Variants in HRK observed in about 807,000 individuals in gnomAD.
HRK encodes harakiri, BCL2 interacting protein, also known as activator of apoptosis harakiri.
A neutral mutation model predicts 5.9 loss-of-function variants in HRK; 6 were observed. The observed-to-expected ratio is 1.02, with a 90% confidence interval of 0.56 to 2.01. HRK has a LOEUF of 2.01. HRK is among the 30% of genes most tolerant of loss of function. The pLI is 0.00. For synonymous variants in HRK, 85 were observed against 65.1 expected, an observed-to-expected ratio of 1.31 and a Z score of -1.47; for missense variants, 133 against 128.3, an observed-to-expected ratio of 1.04 and a Z score of -0.18.
Position 116,857,840 on chromosome 12 carries a change from G to C in HRK, c.*3683C>G, listed in dbSNP as rs912646868. 1 of 152,088 alleles carries C rather than the reference G, an allele frequency of 6.6e-6. No homozygotes were observed. The highest frequency in any genetic ancestry group is 1.5e-5 in the Non-Finnish European group (1 of 68,034). 9.4% of individuals were successfully genotyped at this position (152,088 alleles called of 1,614,324 possible). A position where few individuals can be genotyped will look rare whatever the true frequency, so the allele number is the denominator to read the frequency against. On this transcript the variant is annotated 3_prime_UTR_variant, in exon 2 of 2. Transcript: ENST00000257572. ...AGGCCAAGGCAGGTGGATCACTTGAGGCCAGGAGTTCAAAACCACTCTGGC... is the reference window on the plus strand; with the variant it reads ...AGGCCAAGGCAGGTGGATCACTTGACGCCAGGAGTTCAAAACCACTCTGGC...
At chr12:116,861,860 AAG>A (rs1192293776) in intron 1 of HRK, among the ~76,000 whole-genome samples, 10 of 152,252 alleles carry the variant, frequency 6.6e-5, no homozygotes, top group Admixed American at 1.3e-4. Context: ...ACCCAGATTC[AAG>A]AGAGAGTTGT....
chr12:116,880,871 G>T, intron 1 of HRK, 105 bp downstream of exon 1: 1 of 385,586 alleles, frequency 2.6e-6, no homozygotes, highest in Non-Finnish European at 4.4e-6. Context: ...AGAAGGAGAA[G>T]GGAAAAGAAG....
At chr12:116,873,124 TTTTTGTTTTGTTTTG>T (rs373165953) in intron 1 of HRK, among the ~76,000 whole-genome samples, 1 of 151,902 alleles carries the variant, frequency 6.6e-6, no homozygotes, top group African/African-American at 2.4e-5. Context: ...CTTTTTCATT[TTTTTGTTTTGTTTTG>T]TTTTGTTTTG....
intron 1 of HRK, among the ~76,000 whole-genome samples, chr12:116,868,992 G>A (rs1312258974): frequency 6.6e-6 from 1 of 151,538 alleles, no homozygotes; most frequent in African/African-American, 2.4e-5. Context: ...TTAAAGACAG[G>A]GTTTTTAAAA....
At chr12:116,876,257 C>T (rs1878923637) in intron 1 of HRK, among the ~76,000 whole-genome samples, 1 of 152,178 alleles carries the variant, frequency 6.6e-6, no homozygotes, top group Admixed American at 6.5e-5. Context: ...CGGGGGGTTC[C>T]TCCCCAACAG....
At chr12:116,880,098 T>C (rs1040284869) in intron 1 of HRK, among the ~76,000 whole-genome samples, 2 of 152,152 alleles carry the variant, frequency 1.3e-5, no homozygotes, top group Non-Finnish European at 2.9e-5. Context: ...TTCCTCCCAC[T>C]GATACCAACC....
intron 1 of HRK, among the ~76,000 whole-genome samples, chr12:116,877,311 C>T (rs954886823): frequency 3.9e-5 from 6 of 151,986 alleles, no homozygotes; most frequent in African/African-American, 1.5e-4. Flanking sequence ...CCACCTTGGC[C>T]TCCCAAAGAA....
chr12:116,871,917 CTT>C (rs1162352715), intron 1 of HRK, among the ~76,000 whole-genome samples: 1 of 140,752 alleles, frequency 7.1e-6, no homozygotes, highest in Non-Finnish European at 1.6e-5. Context: ...TTAATTAGTT[CTT>C]TTTTTTTTTT....
At chr12:116,868,342 C>T (rs531725928) in intron 1 of HRK, among the ~76,000 whole-genome samples, 5 of 152,274 alleles carry the variant, frequency 3.3e-5, no homozygotes, top group African/African-American at 9.6e-5. Context: ...GAAGACCACC[C>T]ATTTTCACCC....
Position 116,878,513 on chromosome 12 carries a change from G to A in HRK, c.*56+2463C>T, listed in dbSNP as rs74399879. ...TTAAATCAAAAGCACAAGAAAGGCC[G>A]GAGCGGCTGGTATTCTGAGGTCAGA... On this transcript the variant is annotated intron_variant, in intron 1 of 1. Coordinates refer to ENST00000257572, the MANE Select transcript of HRK (RefSeq NM_003806.4). The surrounding 1 kb of genome is among the most constrained non-coding windows in gnomAD (Gnocchi z 4.4). 1,586 of 152,418 alleles carry A rather than the reference G, an allele frequency of 0.01. 19 individuals carry two copies. Among genetic ancestry groups the A allele is most frequent in the East Asian group, 0.057 (296 of 5,170 alleles). The allele number at this position is 152,418 out of a possible 1,614,324, so 9.4% of individuals were successfully genotyped here.
At position 116,881,160 on chromosome 12, in the gene HRK, A is replaced by G; in HGVS notation, c.148T>C (p.Trp50Arg). The change falls in exon 1 of 2, where the codon TGG becomes CGG. Residue 50 changes from tryptophan (W) to arginine (R), a missense_variant. Trp to Arg is a moderately radical substitution (Grantham distance 101, BLOSUM62 -3). Coordinates refer to ENST00000257572, the MANE Select transcript of HRK (RefSeq NM_003806.4). ...CTCCGGCTCCGCGCGCGGCGCCGCC[A>G]CATGGTGCGCTGGTGCAGCTCGTCG... ...LGDELHQRTM[W>R]RRRARSRRAP... The G allele has an allele frequency of 8.5e-7, 1 of 1,177,770 alleles. No homozygotes were observed. Among genetic ancestry groups the G allele is most frequent in the Non-Finnish European group, 1.0e-6 (1 of 955,328 alleles). The allele number at this position is 1,177,770 out of a possible 1,614,324, so 73.0% of individuals were successfully genotyped here.
rs1211162501 is a variant in HRK at position 116,857,886 on chromosome 12, T to C, written c.*3637A>G. The C allele has an allele frequency of 2.0e-5, 3 of 152,034 alleles. No homozygotes were observed. The highest frequency in any genetic ancestry group is 6.6e-5 in the Admixed American group (1 of 15,248). 9.4% of individuals were successfully genotyped at this position (152,034 alleles called of 1,614,324 possible). A position where few individuals can be genotyped will look rare whatever the true frequency, so the allele number is the denominator to read the frequency against. The stretch of plus-strand genomic sequence containing the variant: ...CTGGCCAACATGGTAAAACCCCATC[T>C]CCACTAAAAATACAAAAATTAGCCG... On this transcript the variant is annotated 3_prime_UTR_variant, in exon 2 of 2. Transcript: ENST00000257572.
At chr12:116,870,239 C>A (rs1423871583) in intron 1 of HRK, among the ~76,000 whole-genome samples, 1 of 152,186 alleles carries the variant, frequency 6.6e-6, no homozygotes, top group African/African-American at 2.4e-5. Context: ...TTTTACAGGA[C>A]TTATTAAGTA....
rs1182339004 is a variant in HRK at position 116,861,061 on chromosome 12, C to T, written c.*462G>A. 1.3e-5 allele frequency: 2 copies of T among 152,054 alleles called. No homozygotes were observed. Among genetic ancestry groups the T allele is most frequent in the Admixed American group, 1.3e-4 (2 of 15,256 alleles). The allele number at this position is 152,054 out of a possible 1,614,324, so 9.4% of individuals were successfully genotyped here. On this transcript the variant is annotated 3_prime_UTR_variant, in exon 2 of 2. Coordinates refer to ENST00000257572, the MANE Select transcript of HRK (RefSeq NM_003806.4). ...CAGCATCTATCCCCAGGCAGTTGGC[C>T]GATGCTGGGGCTAATTCCCACCAGT...
chr12:116,872,549 A>C (rs558800528), intron 1 of HRK, among the ~76,000 whole-genome samples: 1 of 152,126 alleles, frequency 6.6e-6, no homozygotes, highest in South Asian at 2.1e-4. Context: ...AAACCAAGGC[A>C]GGAGGTCTTG....
rs112440165 is a variant in HRK at position 116,866,186 on chromosome 12, G to A, written c.*57-4720C>T. On this transcript the variant is annotated intron_variant, in intron 1 of 1. Coordinates refer to ENST00000257572, the MANE Select transcript of HRK (RefSeq NM_003806.4). ...AAAAAAAAAAAAAAAGCAGTTTCTC[G>A]CATCTTCTGTCTTTGGTTTCAGCAG... 4.1e-3 allele frequency among the ~76,000 whole-genome samples: 580 copies of A among 141,056 alleles called. 3 individuals are homozygous for A. Among genetic ancestry groups the A allele is most frequent in the African/African-American group, 0.014 (540 of 38,124 alleles). 92.5% of individuals were successfully genotyped at this position (141,056 alleles called of 152,430 possible).
At chr12:116,863,393 G>A (rs1878432838) in intron 1 of HRK, among the ~76,000 whole-genome samples, 1 of 152,184 alleles carries the variant, frequency 6.6e-6, no homozygotes, top group African/African-American at 2.4e-5. Flanking sequence ...CCCTCCTGGA[G>A]ACTCCAGGTC....
intron 1 of HRK, among the ~76,000 whole-genome samples, chr12:116,865,364 T>C (rs1878505318): frequency 6.6e-6 from 1 of 151,744 alleles, no homozygotes; most frequent in South Asian, 2.1e-4. Context: ...TCATCTCTAC[T>C]AAACATACAA....
At chr12:116,874,964 C>T (rs1878878268) in intron 1 of HRK, among the ~76,000 whole-genome samples, 1 of 152,182 alleles carries the variant, frequency 6.6e-6, no homozygotes, top group African/African-American at 2.4e-5. Context: ...AATGTGTGAG[C>T]ATGGTCAAAT....
Sources: allele counts gnomAD v4.1 joint callset (sites outside exome capture counted in the v4.1 genomes callset), GRCh38; gene constraint gnomAD v4.1.1; non-coding constraint Gnocchi (gnomAD v3.1); transcripts MANE v1.5; gene names NCBI Gene and HGNC (gene_info 2026-07-23, HGNC 2026-07-21).